The following KLF12 variants were observed in gnomAD, a reference collection of about 807,000 sequenced individuals.
KLF12 encodes Krueppel-like factor 12.
Under a neutral mutation model 37.8 loss-of-function variants are expected in KLF12, and 9 were observed. That is an observed-to-expected ratio of 0.24 (90% CI 0.14 to 0.42). The LOEUF (loss-of-function observed/expected upper bound fraction) is 0.42. Among genes scored for constraint, KLF12 ranks in the 10% least tolerant of loss-of-function variants. The pLI is 1.00. For missense variants in KLF12, 411 were observed against 516.0 expected (o/e 0.80, Z 1.97); for synonymous variants, 208 against 202.1 (o/e 1.03, Z -0.25).
At chr13:74,201,933 T>C in the KLF12 span, among the ~76,000 whole-genome samples, 162 of 152,278 alleles carry the variant, frequency 1.1e-3, no homozygotes, top group Admixed American at 2.0e-3. Context: ...TGTTTCCTTA[T>C]CTGCCTTCAG....
intron 5 of KLF12, among the ~76,000 whole-genome samples, chr13:73,766,015 A>C (rs912531649): frequency 6.6e-6 from 1 of 152,240 alleles, no homozygotes; most frequent in Non-Finnish European, 1.5e-5. Flanking sequence ...AGCCCCGCCT[A>C]AGGGCCAACT....
At chr13:73,934,148 GT>G (rs1202092437) in intron 3 of KLF12, among the ~76,000 whole-genome samples, 5 of 150,956 alleles carry the variant, frequency 3.3e-5, no homozygotes, top group African/African-American at 7.3e-5. Context: ...AAATTGAGGG[GT>G]TTTTTTTTGC....
intron 1 of KLF12, among the ~76,000 whole-genome samples, chr13:74,105,993 T>C (rs774849889): frequency 6.6e-6 from 1 of 152,150 alleles, no homozygotes; most frequent in African/African-American, 2.4e-5. Flanking sequence ...TAAAAAGAAA[T>C]GGTGTAATTG....
the KLF12 span, among the ~76,000 whole-genome samples, chr13:74,192,110 T>C: frequency 1.3e-5 from 2 of 152,066 alleles, no homozygotes; most frequent in Admixed American, 1.3e-4. Flanking sequence ...TTGAGAAATG[T>C]GTGCTTTCCC....
intron 5 of KLF12, among the ~76,000 whole-genome samples, chr13:73,796,548 T>TGTGTGTGTGTGTGTG (rs1881983326): frequency 4.0e-5 from 6 of 148,652 alleles, no homozygotes; most frequent in African/African-American, 7.4e-5. Flanking sequence ...TGTGTGTGTG[T>TGTGTGTGTGTGTGTG]TATTAAATCT....
the KLF12 span, among the ~76,000 whole-genome samples, chr13:74,139,435 A>G: frequency 2.0e-5 from 3 of 152,218 alleles, no homozygotes; most frequent in African/African-American, 7.2e-5. Context: ...TTAAAACACA[A>G]TTTAGCAGAA....
intron 3 of KLF12, among the ~76,000 whole-genome samples, chr13:73,863,241 T>C (rs371800309): frequency 6.6e-6 from 1 of 152,144 alleles, no homozygotes; most frequent in East Asian, 1.9e-4. Context: ...CAAGAAGTCA[T>C]GGGGATAGTA....
intron 5 of KLF12, among the ~76,000 whole-genome samples, chr13:73,791,344 TGCA>T (rs1266050492): frequency 6.6e-6 from 1 of 152,252 alleles, no homozygotes. Context: ...TAAGTGATTC[TGCA>T]GCAGAATTTC....
At chr13:74,185,226 CA>C in the KLF12 span, among the ~76,000 whole-genome samples, 2 of 152,070 alleles carry the variant, frequency 1.3e-5, no homozygotes, top group Non-Finnish European at 2.9e-5. Flanking sequence ...TTTTCCTGTT[CA>C]ATTAATAATA....
the KLF12 span, among the ~76,000 whole-genome samples, chr13:74,191,407 G>T: frequency 1.3e-5 from 2 of 152,238 alleles, no homozygotes; most frequent in Admixed American, 1.3e-4. Flanking sequence ...TTTTTATTTT[G>T]TTGAGTTATA....
chr13:74,032,127 G>T (rs922158404), intron 1 of KLF12, among the ~76,000 whole-genome samples: 3 of 151,996 alleles, frequency 2.0e-5, no homozygotes, highest in Non-Finnish European at 4.4e-5. Flanking sequence ...GAATGTTGTT[G>T]GTGCACTATA....
the KLF12 span, among the ~76,000 whole-genome samples, chr13:74,231,221 G>C: frequency 4.6e-5 from 5 of 108,048 alleles, no homozygotes; most frequent in African/African-American, 2.7e-4. Context: ...TTTTCCCTCT[G>C]TATCTCCAGG....
upstream of KLF12, among the ~76,000 whole-genome samples, chr13:74,136,228 G>T (rs1456255418): frequency 6.6e-6 from 1 of 152,212 alleles, no homozygotes; most frequent in African/African-American, 2.4e-5. Flanking sequence ...GTGGGACTCG[G>T]GGGTGAGGGG....
chr13:73,975,027 AC>A (rs1891468978), intron 2 of KLF12, among the ~76,000 whole-genome samples: 3 of 152,368 alleles, frequency 2.0e-5, no homozygotes, highest in African/African-American at 7.2e-5. Context: ...CTCAAGAGCA[AC>A]TTTTATTGTA....
In KLF12 at chr13:73,686,788, T is replaced by A. The variant is rs1303272727; in HGVS notation, c.*8702A>T. On this transcript the variant is annotated 3_prime_UTR_variant, in exon 8 of 8. Coordinates refer to ENST00000377669, the MANE Select transcript of KLF12 (RefSeq NM_007249.5). The stretch of plus-strand genomic sequence containing the variant: ...CTGTTCAGAGGCTTCAAGCCTAGAA[T>A]AACTGTTTTGTAAACTAAAGGATGT... 2 of 152,228 alleles carry A rather than the reference T, an allele frequency of 1.3e-5. No individual in the cohort carries two copies. The highest frequency in any genetic ancestry group is 3.8e-4 in the East Asian group (2 of 5,208). 9.4% of individuals were successfully genotyped at this position (152,228 alleles called of 1,614,324 possible).
chr13:74,295,456 C>T, the KLF12 span, among the ~76,000 whole-genome samples: 1 of 152,150 alleles, frequency 6.6e-6, no homozygotes, highest in Non-Finnish European at 1.5e-5. Flanking sequence ...AGCCTTTGTA[C>T]TTGGGCAGAA....
At chr13:74,275,778 T>TTTTCTTTCTTTC in the KLF12 span, among the ~76,000 whole-genome samples, 28 of 93,886 alleles carry the variant, frequency 3.0e-4, no homozygotes, top group African/African-American at 1.0e-3. Flanking sequence ...ATGCCTGTCT[T>TTTTCTTTCTTTC]TTTCTTTCTT....
At chr13:74,041,552 G>A (rs1373065841) in intron 1 of KLF12, among the ~76,000 whole-genome samples, 1 of 151,986 alleles carries the variant, frequency 6.6e-6, no homozygotes, top group Admixed American at 6.6e-5. Flanking sequence ...GGGAGGATGG[G>A]GGCTTTTAAG....
intron 6 of KLF12, among the ~76,000 whole-genome samples, chr13:73,725,394 C>T (rs775203391): frequency 3.3e-5 from 5 of 152,056 alleles, no homozygotes; most frequent in African/African-American, 9.6e-5. Flanking sequence ...GCCATCACGC[C>T]GGGCCAGTAA....
Sources: allele counts gnomAD v4.1 joint callset (sites outside exome capture counted in the v4.1 genomes callset), GRCh38; gene constraint gnomAD v4.1.1; transcripts MANE v1.5; gene names NCBI Gene and HGNC (gene_info 2026-07-23, HGNC 2026-07-21).